Variants in DEFB112 observed in about 807,000 individuals in gnomAD.
The protein encoded by DEFB112 is beta-defensin 112.
A neutral mutation model predicts 1.1 loss-of-function variants in DEFB112; 2 were observed. That is an observed-to-expected ratio of 1.85 (90% CI 0.76 to 5.83). The LOEUF is 5.83. Ranked by LOEUF, DEFB112 falls within the 30% of genes most tolerant of loss-of-function variation. DEFB112 has a pLI of 0.05. For missense variants in DEFB112, 120 were observed against 94.4 expected (o/e 1.27, Z -1.12); for synonymous variants, 40 against 31.2 (o/e 1.28, Z -0.93).
chr6:50,043,731 T>C lies in DEFB112; in HGVS notation c.129A>G (p.Lys43=), dbSNP rs1314332841. ...KSCTAIGGRC[K]NQCDDSEFRI... ...TAAATTCACTATCATCACATTGATT[T>C]TTACATCGACCTCCAATCGCTGTAC... Residue 43 remains lysine, a synonymous_variant, in exon 2 of 2, where the codon AAA becomes AAG. Transcript: ENST00000651554. 6.2e-7 allele frequency: 1 copy of C among 1,613,436 alleles called. No individual in the cohort carries two copies. The highest frequency in any genetic ancestry group is 8.5e-7 in the Non-Finnish European group (1 of 1,179,602).
In DEFB112 at chr6:50,042,952, T is replaced by C. The variant is rs189911200; in HGVS notation, c.*623A>G. 2.6e-5 allele frequency among the ~76,000 whole-genome samples: 4 copies of C among 152,166 alleles called. No homozygotes were observed. The highest frequency in any genetic ancestry group is 1.3e-4 in the Admixed American group (2 of 15,254). ...CAAAACAAAACAAAAAAGTTAATCA[T>C]AATTTCACATTATCGTTATTGCCAC... On this transcript the variant is annotated 3_prime_UTR_variant, in exon 2 of 2. Transcript: ENST00000651554.
chr6:50,047,402 G>A (rs1190368025), intron 1 of DEFB112, among the ~76,000 whole-genome samples: 2 of 152,176 alleles, frequency 1.3e-5, no homozygotes, highest in Admixed American at 6.5e-5. Context: ...TCACAGGGAG[G>A]GTATCTGTCT....
chr6:50,046,292 T>A (rs1774832991), intron 1 of DEFB112, among the ~76,000 whole-genome samples: 1 of 151,950 alleles, frequency 6.6e-6, no homozygotes, highest in East Asian at 1.9e-4. Context: ...TTTGTTTGTT[T>A]CTGGATTTTT....
rs561286243 is a variant in DEFB112 at position 50,042,238 on chromosome 6, G to T, written c.*1337C>A. Among the ~76,000 whole-genome samples, 1 of 152,082 alleles carries T rather than the reference G, an allele frequency of 6.6e-6. No individual in the cohort carries two copies. Among genetic ancestry groups the T allele is most frequent in the Non-Finnish European group, 1.5e-5 (1 of 67,930 alleles). On this transcript the variant is annotated 3_prime_UTR_variant, in exon 2 of 2. Transcript: ENST00000651554. ...ACCAAAATCACAAGATGCAAATAGGGTTATTTAGCTCCAAATTGACACTGG... is the reference window on the plus strand; with the variant it reads ...ACCAAAATCACAAGATGCAAATAGGTTTATTTAGCTCCAAATTGACACTGG...
At chr6:50,048,561 G>GT (rs779333966) in intron 1 of DEFB112, 5 of 1,613,514 alleles carry the variant, frequency 3.1e-6, no homozygotes, top group Non-Finnish European at 4.2e-6. Flanking sequence ...TCTGTCCCAT[G>GT]TCGGGCCTTT....
At chr6:50,048,506 G>A (rs1228363839) in intron 1 of DEFB112, 1 of 1,547,732 alleles carries the variant, frequency 6.5e-7, no homozygotes, top group South Asian at 1.1e-5. Flanking sequence ...ATTAAAATGT[G>A]CAAGACACAA....
chr6:50,046,205 C>G (rs1774829908), intron 1 of DEFB112, among the ~76,000 whole-genome samples: 1 of 142,768 alleles, frequency 7.0e-6, no homozygotes, highest in Non-Finnish European at 1.5e-5. Context: ...ATAATTCCAT[C>G]ATGAATTGAG....
chr6:50,048,501 A>G lies in DEFB112; in HGVS notation c.58+1311T>C. 4 of 1,539,126 alleles carry G rather than the reference A, an allele frequency of 2.6e-6. No individual in the cohort carries two copies. In the South Asian group the frequency reaches 3.4e-5, roughly 13 times the overall value. On this transcript the variant is annotated intron_variant, in intron 1 of 1. Transcript: ENST00000651554. ...ATTTCAGTCAAAAAGTATTGATTAA[A>G]ATGTGCAAGACACAATTCTACTTAT... is the stretch of plus-strand genomic sequence containing the variant.
At chr6:50,044,674 T>C (rs757283778) in intron 1 of DEFB112, among the ~76,000 whole-genome samples, 2 of 151,974 alleles carry the variant, frequency 1.3e-5, no homozygotes, top group Admixed American at 6.6e-5. Context: ...TTTGAATCTA[T>C]ATAATAATTT....
At chr6:50,046,720 T>G (rs1401527106) in intron 1 of DEFB112, among the ~76,000 whole-genome samples, 1 of 152,210 alleles carries the variant, frequency 6.6e-6, no homozygotes, top group Non-Finnish European at 1.5e-5. Context: ...CCTTTGCTAG[T>G]TATATATGTA....
rs1205669615 is a variant in DEFB112, at chr6:50,043,219, T to C, written c.*356A>G. ...CAGGGGTCACATCTCTTATCAACTC[T>C]GTCCCCACTCCTGAGTCTCCTCAAA... On this transcript the variant is annotated 3_prime_UTR_variant, in exon 2 of 2. Transcript: ENST00000651554. Among the ~76,000 whole-genome samples the C allele has an allele frequency of 6.6e-6, 1 of 152,086 alleles. No individual in the cohort carries two copies. Among genetic ancestry groups the C allele is most frequent in the African/African-American group, 2.4e-5 (1 of 41,454 alleles).
chr6:50,043,884 G>A, intron 1 of DEFB112, 83 bp from the exon 2 acceptor site: 1 of 1,154,154 alleles, frequency 8.7e-7, no homozygotes, highest in Non-Finnish European at 1.3e-6. Flanking sequence ...AGTAATCACA[G>A]ACAACAGAGG....
chr6:50,048,480 C>A, intron 1 of DEFB112: 1 of 1,421,228 alleles, frequency 7.0e-7, no homozygotes. Flanking sequence ...TACTTCATTT[C>A]AGTCAAAAAG....
intron 1 of DEFB112, chr6:50,048,570 T>C: frequency 6.2e-7 from 1 of 1,613,722 alleles, no homozygotes; most frequent in Non-Finnish European, 8.5e-7. Context: ...TGTCGGGCCT[T>C]TTCAAATATT....
At chr6:50,044,728 T>C (rs1218512816) in intron 1 of DEFB112, among the ~76,000 whole-genome samples, 1 of 152,046 alleles carries the variant, frequency 6.6e-6, no homozygotes, top group Non-Finnish European at 1.5e-5. Context: ...GAGGAGACTG[T>C]CTTAGGAAGT....
intron 1 of DEFB112, among the ~76,000 whole-genome samples, chr6:50,047,340 A>C (rs1286215424): frequency 6.6e-6 from 1 of 152,162 alleles, no homozygotes; most frequent in African/African-American, 2.4e-5. Context: ...TAGAAAGGGC[A>C]TCCAGTGTTG....
At position 50,043,668 on chromosome 6, in the gene DEFB112, G is replaced by T. The variant is rs181301265; in HGVS notation, c.192C>A (p.Cys64Ter). The T allele has an allele frequency of 2.5e-6, 4 of 1,613,322 alleles. No homozygotes were observed. Among genetic ancestry groups the T allele is most frequent in the Non-Finnish European group, 3.4e-6 (4 of 1,179,564 alleles). ...SYCARPTTHC[C>*]VTECDPTDPN... ...GGTCCGTAGGGTCACATTCTGTCACGCAGCAATGAGTTGTAGGTCTTGCAC... is the reference window on the plus strand; with the variant it reads ...GGTCCGTAGGGTCACATTCTGTCACTCAGCAATGAGTTGTAGGTCTTGCAC... Residue 64 changes from cysteine (C) to a stop codon, truncating the protein, a stop_gained, in exon 2 of 2, where the codon TGC becomes TGA. Coordinates refer to ENST00000651554, the MANE Select transcript of DEFB112 (RefSeq NM_001369057.2). LOFTEE classifies it low-confidence loss of function (END_TRUNC).
chr6:50,046,063 A>G (rs892046861), intron 1 of DEFB112, among the ~76,000 whole-genome samples: 12 of 152,088 alleles, frequency 7.9e-5, no homozygotes, highest in Admixed American at 3.9e-4. Context: ...ATTTTGCCCA[A>G]TTGTAGGCTA....
At chr6:50,048,860 A>C (rs1582383856) in intron 1 of DEFB112, among the ~76,000 whole-genome samples, 1 of 152,280 alleles carries the variant, frequency 6.6e-6, no homozygotes, top group East Asian at 1.9e-4. Flanking sequence ...GGCTATTAAT[A>C]AGTTCACCTT....
Sources: allele counts gnomAD v4.1 joint callset (sites outside exome capture counted in the v4.1 genomes callset), GRCh38; gene constraint gnomAD v4.1.1; transcripts MANE v1.5; gene names NCBI Gene and HGNC (gene_info 2026-07-23, HGNC 2026-07-21).